The following TMEM59L variants were observed in gnomAD, a reference collection of about 807,000 sequenced individuals.
TMEM59L encodes transmembrane protein 59-like.
TMEM59L carries 31 observed loss-of-function variants against 39.6 expected under a neutral mutation model. The ratio of observed to expected loss-of-function variants is 0.78; its 90% confidence interval spans 0.59 to 1.06. The LOEUF (loss-of-function observed/expected upper bound fraction) is 1.06. Among genes scored for constraint, TMEM59L ranks in the 50% least tolerant of loss-of-function variants. The pLI is 0.00. For synonymous variants in TMEM59L, 219 were observed against 202.9 expected, an observed-to-expected ratio of 1.08 and a Z score of -0.68; for missense variants, 441 against 451.3, an observed-to-expected ratio of 0.98 and a Z score of 0.21.
chr19:18,620,216 C>T (rs1009950567), intron 7 of TMEM59L, among the ~76,000 whole-genome samples, 192 bp from the exon 8 acceptor site: 3 of 151,550 alleles, frequency 2.0e-5, no homozygotes, highest in Admixed American at 6.6e-5. Flanking sequence ...AAAGGAGAAT[C>T]GCTTGAACCT....
intron 5 of TMEM59L, 76 bp downstream of exon 5, chr19:18,617,178 C>A (rs1478417198): frequency 9.1e-7 from 1 of 1,103,480 alleles, no homozygotes. Flanking sequence ...GCAAACAGAC[C>A]TTCTAGGATC....
intron 5 of TMEM59L, chr19:18,617,347 T>G: frequency 5.0e-6 from 3 of 597,722 alleles, no homozygotes; most frequent in East Asian, 3.5e-5. Context: ...TCTCCCCGGG[T>G]TCCATGGTCT....
At chr19:18,614,534 C>T (rs968421349) in intron 3 of TMEM59L, among the ~76,000 whole-genome samples, 5 of 152,218 alleles carry the variant, frequency 3.3e-5, no homozygotes, top group Admixed American at 6.5e-5. Context: ...GCCCAGGGGG[C>T]AACCTCCCAG....
At chr19:18,617,284 C>A in intron 5 of TMEM59L, 182 bp downstream of exon 5, 1 of 683,138 alleles carries the variant, frequency 1.5e-6, no homozygotes, top group Non-Finnish European at 2.7e-6. Context: ...CCCAGGGTTC[C>A]ATGGTCCACT....
In TMEM59L at chr19:18,620,631, T is replaced by C; in HGVS notation, c.*95T>C. ...TCCAAGGGCAGGGTGGGTCCAGCCT[T>C]GAGCCCCTCCACCCCCAAATCCTTC... On this transcript the variant is annotated 3_prime_UTR_variant, in exon 8 of 8. Coordinates refer to ENST00000262817, the MANE Select transcript of TMEM59L (RefSeq NM_012109.3). 6.9e-7 allele frequency: 1 copy of C among 1,453,138 alleles called. No homozygotes were observed. The highest frequency in any genetic ancestry group is 9.1e-7 in the Non-Finnish European group (1 of 1,099,708). The allele number at this position is 1,453,138 out of a possible 1,614,324, so 90.0% of individuals were successfully genotyped here.
At chr19:18,614,071 C>T (rs1413108972) in intron 2 of TMEM59L, 33 bp from the exon 3 acceptor site, 4 of 1,612,514 alleles carry the variant, frequency 2.5e-6, no homozygotes, top group Non-Finnish European at 3.4e-6. Flanking sequence ...CTGGGAAGGG[C>T]CGTCCCCAGT....
In TMEM59L at chr19:18,613,935, C is replaced by A; in HGVS notation, c.235C>A (p.Arg79Ser). ...DRAVLISACE[R>S]GCRLFSICRF... ...AGCCGTTCTGATCAGCGCTTGCGAG[C>A]GTGGCTGCCGCCTCTTCTCCATCTG... The change falls in exon 2 of 8, where the codon CGT becomes AGT. Residue 79 changes from arginine (R) to serine (S), a missense_variant. Transcript: ENST00000262817. 1 of 1,613,050 alleles carries A rather than the reference C, an allele frequency of 6.2e-7. No homozygotes were observed. The highest frequency in any genetic ancestry group is 1.7e-5 in the Admixed American group (1 of 60,028).
chr19:18,615,301 C>A (rs573143356), intron 3 of TMEM59L, among the ~76,000 whole-genome samples: 25 of 152,082 alleles, frequency 1.6e-4, no homozygotes, highest in Non-Finnish European at 3.4e-4. Context: ...TCCGTCTTGA[C>A]GCTGTCAAAA....
intron 7 of TMEM59L, among the ~76,000 whole-genome samples, chr19:18,618,754 G>A (rs1976462205): frequency 1.3e-5 from 2 of 149,406 alleles, no homozygotes; most frequent in Admixed American, 1.3e-4. Context: ...GAGTGCAATG[G>A]CACCATCTCG....
intron 5 of TMEM59L, chr19:18,617,880 C>T: frequency 2.0e-6 from 1 of 511,654 alleles, no homozygotes; most frequent in Non-Finnish European, 3.5e-6. Context: ...TCCTAGGGTC[C>T]ATCTCCTAGA....
At chr19:18,614,048 G>T (rs757023891) in intron 2 of TMEM59L, 32 bp downstream of exon 2, 3 of 1,613,014 alleles carry the variant, frequency 1.9e-6, no homozygotes, top group Non-Finnish European at 8.5e-7. Context: ...GGGCCAGCGT[G>T]GGGAGAGGTG....
At position 18,613,105 on chromosome 19, in the gene TMEM59L, C is replaced by A; in HGVS notation, c.147C>A (p.Arg49=). Residue 49 remains arginine, a synonymous_variant, in exon 1 of 8, where the codon CGC becomes CGA. Transcript: ENST00000262817. The part of the protein sequence containing the change: ...TQNCQLRCRD[R]DLGPQPSQAG... ...ACTGCCAGCTGCGGTGCCGCGACCG[C>A]GACCTCGGCCCGCAGCCCTCGCAGG... The A allele has an allele frequency of 1.5e-6, 2 of 1,310,906 alleles. No individual in the cohort carries two copies. Among genetic ancestry groups the A allele is most frequent in the Non-Finnish European group, 1.9e-6 (2 of 1,033,852 alleles). 81.2% of individuals were successfully genotyped at this position (1,310,906 alleles called of 1,614,324 possible).
chr19:18,615,789 G>T (rs1263225664), intron 3 of TMEM59L, among the ~76,000 whole-genome samples, 186 bp from the exon 4 acceptor site: 2 of 152,100 alleles, frequency 1.3e-5, no homozygotes, highest in Non-Finnish European at 1.5e-5. Context: ...TGTATTTTTA[G>T]TAGAGACAGG....
chr19:18,613,212 A>G, intron 1 of TMEM59L, 83 bp downstream of exon 1: 1 of 1,149,424 alleles, frequency 8.7e-7, no homozygotes, highest in Non-Finnish European at 1.1e-6. Context: ...CTTCTCTTGG[A>G]TGACAGCAGG....
chr19:18,613,425 G>T (rs1212305214), intron 1 of TMEM59L, among the ~76,000 whole-genome samples: 4 of 151,608 alleles, frequency 2.6e-5, no homozygotes, highest in African/African-American at 9.7e-5. Context: ...GCTCCCTCAG[G>T]CCTGATGGTC....
In TMEM59L at chr19:18,615,857, C is replaced by T; in HGVS notation, c.409-118C>T. On this transcript the variant is annotated intron_variant, in intron 3 of 7. Transcript: ENST00000262817. ...TTCTGGCCTCAAGTGATCGGCCTGC[C>T]TCAGCCTTCCAAAGTGTTGGGATTA... The T allele has an allele frequency of 2.3e-6, 3 of 1,325,848 alleles. No individual in the cohort carries two copies. The South Asian group carries it at 4.3e-5, about 19-fold the overall frequency. The allele number at this position is 1,325,848 out of a possible 1,614,324, so 82.1% of individuals were successfully genotyped here.
rs1448273931 is a variant in TMEM59L at position 18,617,016 on chromosome 19, A to T, written c.578A>T (p.Glu193Val). 4 of 1,611,440 alleles carry T rather than the reference A, an allele frequency of 2.5e-6. No homozygotes were observed. Among genetic ancestry groups the T allele is most frequent in the Non-Finnish European group, 3.4e-6 (4 of 1,178,856 alleles). ...VVVFQTQPIV[E>V]SLGFQGGRLQ... ...CTGGCCCAGACTCAGCCCATAGTGG[A>T]GAGCCTCGGCTTCCAGGGGGGCCGT... The change falls in exon 5 of 8, where the codon GAG (glutamate) becomes GTG (valine). Residue 193 changes from glutamate (E) to valine (V), a missense_variant. Glu to Val is a moderately radical substitution (Grantham distance 121). Transcript: ENST00000262817.
chr19:18,613,853 CT>C lies in TMEM59L; in HGVS notation c.172-18del. 1 of 1,605,748 alleles carries C rather than the reference CT, an allele frequency of 6.2e-7. No homozygotes were observed. The highest frequency in any genetic ancestry group is 1.1e-5 in the South Asian group (1 of 90,966). On this transcript the variant is annotated intron_variant, in intron 1 of 7. Transcript: ENST00000262817. ...TGCCCCTCCCCATGGCCTGAGCCCC[CT>C]GTCCTCCCCTCCCCCAGGCGGGGCT...
chr19:18,613,036 G>C lies in TMEM59L; in HGVS notation c.78G>C (p.Pro26=). 7.2e-7 allele frequency: 1 copy of C among 1,392,256 alleles called. No individual in the cohort carries two copies. Among genetic ancestry groups the C allele is most frequent in the Non-Finnish European group, 9.3e-7 (1 of 1,075,032 alleles). 86.2% of individuals were successfully genotyped at this position (1,392,256 alleles called of 1,614,324 possible). A position where few individuals can be genotyped will look rare whatever the true frequency, so the allele number is the denominator to read the frequency against. The change falls in exon 1 of 8, where the codon CCG becomes CCC. Residue 26 remains proline, a synonymous_variant. Coordinates refer to ENST00000262817, the MANE Select transcript of TMEM59L (RefSeq NM_012109.3). ...LLASPPAASA[P]SARDPFAPQL... ...CGTCGCCGCCCGCCGCCTCCGCGCCGTCCGCCCGCGATCCCTTCGCCCCCC... is the reference window on the plus strand; with the variant it reads ...CGTCGCCGCCCGCCGCCTCCGCGCCCTCCGCCCGCGATCCCTTCGCCCCCC...
Sources: gnomAD v4.1 joint callset for allele counts (sites outside exome capture counted in the v4.1 genomes callset) on GRCh38, gnomAD v4.1.1 for gene constraint, MANE v1.5 for transcripts, NCBI Gene and HGNC (gene_info 2026-07-23, HGNC 2026-07-21) for gene names.